STMP1: variants seen among roughly 807,000 people sequenced by gnomAD.
STMP1 encodes the protein short transmembrane mitochondrial protein 1.
STMP1 carries 7 observed loss-of-function variants against 7.0 expected under a neutral mutation model. The ratio of observed to expected loss-of-function variants is 1.01; its 90% CI spans 0.57 to 1.89. The LOEUF (loss-of-function observed/expected upper bound fraction) is 1.89, where lower values mean the gene tolerates loss of function less well. STMP1 is among the 40% of genes most tolerant of loss of function. The pLI is 0.00. For synonymous variants in STMP1, 19 were observed against 18.4 expected (o/e 1.03, Z -0.08); for missense variants, 45 against 53.0 (o/e 0.85, Z 0.47).
intron 1 of STMP1, among the ~76,000 whole-genome samples, chr7:135,667,522 T>A (rs1394953560): frequency 6.6e-6 from 1 of 152,248 alleles, no homozygotes; most frequent in African/African-American, 2.4e-5. Flanking sequence ...AATTTGCCCA[T>A]TTTTAAATTG....
chr7:135,672,838 C>G lies in STMP1; in HGVS notation c.69+32C>G, dbSNP rs554207973. On this transcript the variant is annotated intron_variant, in intron 2 of 2. Coordinates refer to ENST00000507606, the MANE Select transcript of STMP1 (RefSeq NM_001130929.2). Reference sequence around the variant, plus strand: ...GGCCATATCCATGACTTCCTTGATTCCATGTAACTGTTTTAGAGTGACTTT... The same window carrying G: ...GGCCATATCCATGACTTCCTTGATTGCATGTAACTGTTTTAGAGTGACTTT... The G allele has an allele frequency of 8.9e-5, 135 of 1,522,790 alleles. 2 individuals carry two copies. Among genetic ancestry groups the G allele is most frequent in the South Asian group, 7.5e-4 (63 of 83,450 alleles). The allele number at this position is 1,522,790 out of a possible 1,614,324, so 94.3% of individuals were successfully genotyped here.
intron 1 of STMP1, among the ~76,000 whole-genome samples, chr7:135,666,157 T>C (rs1279603674): frequency 6.6e-6 from 1 of 152,160 alleles, no homozygotes; most frequent in Non-Finnish European, 1.5e-5. Context: ...GGTCTTGAAC[T>C]CCTGACCTCA....
intron 1 of STMP1, among the ~76,000 whole-genome samples, chr7:135,667,556 T>A (rs1795309991): frequency 6.6e-6 from 1 of 152,262 alleles, no homozygotes; most frequent in African/African-American, 2.4e-5. Context: ...CACTCAGTTG[T>A]AAGAATTATT....
At chr7:135,667,745 C>T (rs1033006936) in intron 1 of STMP1, among the ~76,000 whole-genome samples, 5 of 148,566 alleles carry the variant, frequency 3.4e-5, no homozygotes, top group African/African-American at 1.2e-4. Flanking sequence ...TCTAAGAAAA[C>T]TATTTGCCCA....
At chr7:135,671,267 G>T (rs1795355574) in intron 1 of STMP1, among the ~76,000 whole-genome samples, 1 of 152,178 alleles carries the variant, frequency 6.6e-6, no homozygotes, top group African/African-American at 2.4e-5. Flanking sequence ...TACTTTTGGT[G>T]TTTCAAGCTT....
intron 1 of STMP1, among the ~76,000 whole-genome samples, chr7:135,667,732 A>G (rs2129493246): frequency 1.3e-5 from 2 of 150,384 alleles, no homozygotes; most frequent in South Asian, 4.2e-4. Context: ...TTTTGGTGTC[A>G]TATCTAAGAA....
chr7:135,673,164 A>C, intron 2 of STMP1: 1 of 269,070 alleles, frequency 3.7e-6, no homozygotes, highest in Non-Finnish European at 7.1e-6. Flanking sequence ...CAGCCCCACT[A>C]TCCAGTAGTA....
chr7:135,675,505 T>C lies in STMP1; in HGVS notation c.*1340T>C, dbSNP rs926321206. The C allele has an allele frequency of 6.6e-6, 1 of 152,220 alleles. No homozygotes were observed. The highest frequency in any genetic ancestry group is 1.9e-4 in the East Asian group (1 of 5,200). 9.4% of individuals were successfully genotyped at this position (152,220 alleles called of 1,614,324 possible). A position where few individuals can be genotyped will look rare whatever the true frequency, so the allele number is the denominator to read the frequency against. On this transcript the variant is annotated 3_prime_UTR_variant, in exon 3 of 3. Coordinates refer to ENST00000507606, the MANE Select transcript of STMP1 (RefSeq NM_001130929.2). ...ATTTAATCTGCTACTGGTGAATGCT[T>C]AGGTTGTTCTTTTGCTATTACAGTG... is the stretch of plus-strand genomic sequence containing the variant.
intron 2 of STMP1, 58 bp from the exon 3 acceptor site, chr7:135,674,033 G>C: frequency 9.4e-7 from 1 of 1,062,746 alleles, no homozygotes; most frequent in South Asian, 1.5e-5. Context: ...AGGAAGAGAA[G>C]TACAAGAATA....
chr7:135,669,979 C>T (rs1752482550), intron 1 of STMP1, among the ~76,000 whole-genome samples: 2 of 152,120 alleles, frequency 1.3e-5, no homozygotes, highest in Admixed American at 6.5e-5. Context: ...GCTGACAATG[C>T]GATTCTTCTG....
At chr7:135,668,250 TA>T (rs201782357) in intron 1 of STMP1, among the ~76,000 whole-genome samples, 389 of 150,612 alleles carry the variant, frequency 2.6e-3, no homozygotes, top group African/African-American at 8.7e-3. Flanking sequence ...TTGGTTTTCT[TA>T]AAAAAAAAAT....
chr7:135,674,236 C>A lies in STMP1; in HGVS notation c.*71C>A. Reference sequence around the variant, plus strand: ...TTGAGGGCCTCGTTTACTATCTGAACCAAAAGCTTTTGTTTTCGTCTCCAG... The same window carrying A: ...TTGAGGGCCTCGTTTACTATCTGAAACAAAAGCTTTTGTTTTCGTCTCCAG... On this transcript the variant is annotated 3_prime_UTR_variant, in exon 3 of 3. Coordinates refer to ENST00000507606, the MANE Select transcript of STMP1 (RefSeq NM_001130929.2). 1 of 1,185,024 alleles carries A rather than the reference C, an allele frequency of 8.4e-7. No individual in the cohort carries two copies. The highest frequency in any genetic ancestry group is 1.2e-6 in the Non-Finnish European group (1 of 846,468). The allele number at this position is 1,185,024 out of a possible 1,614,324, so 73.4% of individuals were successfully genotyped here. A position where few individuals can be genotyped will look rare whatever the true frequency, so the allele number is the denominator to read the frequency against.
In STMP1 at chr7:135,674,693, A is replaced by G. The variant is rs1481705420; in HGVS notation, c.*528A>G. ...GTTGTTAGGCAGCTCTGTAGTTGCT[A>G]ATTTAACCAATAAGTCAATTTGCTA... On this transcript the variant is annotated 3_prime_UTR_variant, in exon 3 of 3. Transcript: ENST00000507606. 3 of 152,270 alleles carry G rather than the reference A, an allele frequency of 2.0e-5. No homozygotes were observed. The highest frequency in any genetic ancestry group is 4.1e-4 in the South Asian group (2 of 4,834). The allele number at this position is 152,270 out of a possible 1,614,324, so 9.4% of individuals were successfully genotyped here.
chr7:135,662,570 C>A lies in STMP1; in HGVS notation c.-10C>A. On this transcript the variant is annotated 5_prime_UTR_variant, in exon 1 of 3. Coordinates refer to ENST00000507606, the MANE Select transcript of STMP1 (RefSeq NM_001130929.2). ...TCCTTCGCGCCCTCCTCGCCCTCCC[C>A]ACCGACATCATGCTCCAGTTCCTGG... 6.5e-7 allele frequency: 1 copy of A among 1,548,596 alleles called. No homozygotes were observed. Among genetic ancestry groups the A allele is most frequent in the Non-Finnish European group, 8.7e-7 (1 of 1,145,794 alleles).
intron 1 of STMP1, among the ~76,000 whole-genome samples, chr7:135,665,147 C>A (rs1795279034): frequency 6.6e-6 from 1 of 152,182 alleles, no homozygotes; most frequent in African/African-American, 2.4e-5. Context: ...GATTGAGTTT[C>A]TTCTCAAGTG....
In STMP1 at chr7:135,662,534, A is replaced by G. The variant is rs1795242420; in HGVS notation, c.-46A>G. 1.3e-6 allele frequency: 2 copies of G among 1,535,746 alleles called. No homozygotes were observed. The highest frequency in any genetic ancestry group is 2.0e-5 in the Admixed American group (1 of 49,920). Reference sequence around the variant, plus strand: ...GAGGTAGGCTCGGACCGGCCCGCGGAGCTGCTGCAGTCCTTCGCGCCCTCC... The same window carrying G: ...GAGGTAGGCTCGGACCGGCCCGCGGGGCTGCTGCAGTCCTTCGCGCCCTCC... On this transcript the variant is annotated 5_prime_UTR_variant, in exon 1 of 3. Coordinates refer to ENST00000507606, the MANE Select transcript of STMP1 (RefSeq NM_001130929.2).
chr7:135,671,925 T>C (rs539713629), intron 1 of STMP1, among the ~76,000 whole-genome samples: 1 of 152,218 alleles, frequency 6.6e-6, no homozygotes, highest in African/African-American at 2.4e-5. Flanking sequence ...TATGAAGAGA[T>C]TGTAAACTGT....
At chr7:135,673,002 C>T (rs1795372440) in intron 2 of STMP1, 196 bp downstream of exon 2, 2 of 573,614 alleles carry the variant, frequency 3.5e-6, no homozygotes, top group Non-Finnish European at 6.2e-6. Context: ...TCCATATCAC[C>T]ACAAGAGGGC....
intron 1 of STMP1, among the ~76,000 whole-genome samples, chr7:135,663,887 G>A (rs541911150): frequency 1.3e-5 from 2 of 151,500 alleles, no homozygotes; most frequent in Non-Finnish European, 2.9e-5. Context: ...CTCGGGATCT[G>A]CCTGCCTCAG....
Sources: gnomAD v4.1 joint callset for allele counts (sites outside exome capture counted in the v4.1 genomes callset) on GRCh38, gnomAD v4.1.1 for gene constraint, MANE v1.5 for transcripts, NCBI Gene and HGNC (gene_info 2026-07-23, HGNC 2026-07-21) for gene names.